The following PLCL1 variants were observed in gnomAD, a reference collection of about 807,000 sequenced individuals.
The protein encoded by PLCL1 is inactive phospholipase C-like protein 1.
In PLCL1, 41 loss-of-function variants were observed where a neutral mutation model predicts 84.4. The ratio of observed to expected loss-of-function variants is 0.49; its 90% confidence interval spans 0.38 to 0.63. The LOEUF (loss-of-function observed/expected upper bound fraction) is 0.63, where lower values mean the gene tolerates loss of function less well. Ranked by LOEUF, PLCL1 falls within the 30% of genes least tolerant of loss-of-function variation. PLCL1 has a pLI of 0.00. For missense variants in PLCL1, 1,206 were observed against 1,367.8 expected (o/e 0.88, Z 1.87); for synonymous variants, 490 against 488.3 (o/e 1.00, Z -0.05).
chr2:197,890,701 TAC>T (rs372078594), intron 1 of PLCL1, among the ~76,000 whole-genome samples: 2 of 118,540 alleles, frequency 1.7e-5, no homozygotes, highest in Non-Finnish European at 3.3e-5. Context: ...TATATATATA[TAC>T]ACACACACAT....
chr2:197,932,124 C>G (rs558407431), intron 1 of PLCL1, among the ~76,000 whole-genome samples: 1 of 152,128 alleles, frequency 6.6e-6, no homozygotes, highest in Non-Finnish European at 1.5e-5. Flanking sequence ...TGGGTCATTG[C>G]TACTCATATT....
chr2:198,136,312 T>C (rs1454012485), intron 5 of PLCL1, among the ~76,000 whole-genome samples: 2 of 152,020 alleles, frequency 1.3e-5, no homozygotes, highest in Admixed American at 6.6e-5. Flanking sequence ...ATCTATGAGG[T>C]GAGTACAATT....
At chr2:197,928,116 G>A (rs909921805) in intron 1 of PLCL1, among the ~76,000 whole-genome samples, 11 of 152,098 alleles carry the variant, frequency 7.2e-5, no homozygotes, top group Non-Finnish European at 8.8e-5. Flanking sequence ...TACAGTTTTA[G>A]AAACTTCCTT....
intron 1 of PLCL1, among the ~76,000 whole-genome samples, chr2:198,072,897 C>T (rs1692496976): frequency 6.6e-6 from 1 of 152,062 alleles, no homozygotes; most frequent in African/African-American, 2.4e-5. Flanking sequence ...ATCTATAATT[C>T]ACTTCTCTGG....
In PLCL1 at chr2:198,085,194, TGAA is replaced by T. The variant is rs1692836228; in HGVS notation, c.1682_1684del (p.Glu561del). ...TAGAAGGAGAAGTAACAGATGAAGA[TGAA>T]GAAGCTGAAATGTCTCGAAGGATGT... On this transcript the variant is annotated inframe_deletion, in exon 2 of 6. Transcript: ENST00000428675. This position sits in a 1 kb window ranked among gnomAD's most constrained non-coding sequence, Gnocchi z 5.3. 6.2e-7 allele frequency: 1 copy of T among 1,613,932 alleles called. No individual in the cohort carries two copies. The highest frequency in any genetic ancestry group is 8.5e-7 in the Non-Finnish European group (1 of 1,179,946).
At chr2:198,115,329 A>G (rs1693719021) in intron 5 of PLCL1, among the ~76,000 whole-genome samples, 2 of 151,824 alleles carry the variant, frequency 1.3e-5, no homozygotes, top group Non-Finnish European at 2.9e-5. Context: ...TCAGCTAGTC[A>G]TTTATGAGGC....
At chr2:198,079,266 TTAAA>T (rs1246876553) in intron 1 of PLCL1, among the ~76,000 whole-genome samples, 3 of 151,580 alleles carry the variant, frequency 2.0e-5, no homozygotes, top group East Asian at 3.9e-4. Context: ...AATAAAATTA[TTAAA>T]TATTTTAATA....
chr2:197,882,120 A>C (rs1574929430), intron 1 of PLCL1, among the ~76,000 whole-genome samples: 1 of 152,242 alleles, frequency 6.6e-6, no homozygotes, highest in East Asian at 1.9e-4. Context: ...AAAATTGTTA[A>C]CCTATAGTTC....
chr2:198,101,363 A>G lies in PLCL1; in HGVS notation c.2995+3A>G. The G allele has an allele frequency of 1.4e-6, 2 of 1,469,484 alleles. No individual in the cohort carries two copies. Among genetic ancestry groups the G allele is most frequent in the Non-Finnish European group, 1.9e-6 (2 of 1,075,612 alleles). The allele number at this position is 1,469,484 out of a possible 1,614,324, so 91.0% of individuals were successfully genotyped here. ...GATTGTACAGTGTCAGAAAGCAGGT[A>G]ATTGTTTTTAATTTTTTTTTCTGTT... is the stretch of plus-strand genomic sequence containing the variant. On this transcript the variant is annotated splice_donor_region_variant and intron_variant, in intron 4 of 5. Transcript: ENST00000428675.
intron 1 of PLCL1, among the ~76,000 whole-genome samples, chr2:197,906,974 G>T (rs73056824): frequency 0.19 from 29,191 of 152,046 alleles, 2,855 homozygotes; most frequent in East Asian, 0.27. Flanking sequence ...CTGAGATGCT[G>T]GGGTTTTCTA....
At chr2:197,969,481 T>C (rs78283084) in intron 1 of PLCL1, among the ~76,000 whole-genome samples, 46 of 152,246 alleles carry the variant, frequency 3.0e-4, no homozygotes, top group African/African-American at 1.0e-3. Flanking sequence ...GTAACTTGAC[T>C]CTCCCCTTAA....
intron 3 of PLCL1, among the ~76,000 whole-genome samples, chr2:198,090,933 A>G (rs1188636230): frequency 6.6e-6 from 1 of 152,124 alleles, no homozygotes; most frequent in Non-Finnish European, 1.5e-5. Flanking sequence ...TTTTTGTTTT[A>G]TCTGCTGAAG....
At chr2:198,101,424 C>A in intron 4 of PLCL1, 64 bp downstream of exon 4, 1 of 871,692 alleles carries the variant, frequency 1.1e-6, no homozygotes, top group Non-Finnish European at 1.8e-6. Flanking sequence ...TATAATAATT[C>A]TTGGTAGATT....
At chr2:197,955,900 C>A (rs531719339) in intron 1 of PLCL1, among the ~76,000 whole-genome samples, 20 of 151,898 alleles carry the variant, frequency 1.3e-4, no homozygotes, top group Non-Finnish European at 2.6e-4. Flanking sequence ...TTTGCTGCAC[C>A]TATCAACCCG....
chr2:197,984,037 A>G (rs1690170930), intron 1 of PLCL1, among the ~76,000 whole-genome samples: 1 of 152,226 alleles, frequency 6.6e-6, no homozygotes, highest in African/African-American at 2.4e-5. Context: ...TTGTATTTAT[A>G]TTAAGCTTCA....
chr2:198,013,425 T>C (rs1183589418), intron 1 of PLCL1, among the ~76,000 whole-genome samples: 1 of 152,116 alleles, frequency 6.6e-6, no homozygotes, highest in Non-Finnish European at 1.5e-5. Flanking sequence ...CCCTTAAGCC[T>C]TTTTGTTTCC....
At chr2:198,118,264 T>C (rs1017286247) in intron 5 of PLCL1, among the ~76,000 whole-genome samples, 1 of 151,968 alleles carries the variant, frequency 6.6e-6, no homozygotes, top group Non-Finnish European at 1.5e-5. Flanking sequence ...TTATCAACCA[T>C]ACTAAATCAT....
chr2:198,114,878 A>G (rs2105922846), intron 5 of PLCL1, among the ~76,000 whole-genome samples: 1 of 151,912 alleles, frequency 6.6e-6, no homozygotes, highest in East Asian at 1.9e-4. Flanking sequence ...AGACATTGTC[A>G]AATAAAGTCA....
At chr2:197,863,654 G>C (rs573252191) in intron 1 of PLCL1, among the ~76,000 whole-genome samples, 1 of 152,236 alleles carries the variant, frequency 6.6e-6, no homozygotes, top group African/African-American at 2.4e-5. Context: ...TATTATCATA[G>C]ATTACTGTAT....
Sources: allele counts gnomAD v4.1 joint callset (sites outside exome capture counted in the v4.1 genomes callset), GRCh38; gene constraint gnomAD v4.1.1; non-coding constraint Gnocchi (gnomAD v3.1); transcripts MANE v1.5; gene names NCBI Gene and HGNC (gene_info 2026-07-23, HGNC 2026-07-21).